KIF27: variants seen among roughly 807,000 people sequenced by gnomAD.
The protein encoded by KIF27 is kinesin-like protein KIF27.
In KIF27, 84 loss-of-function variants were observed where a neutral mutation model predicts 141.8. That is an observed-to-expected ratio of 0.59 (90% CI 0.50 to 0.71). KIF27 has a LOEUF of 0.71. Ranked by LOEUF, KIF27 falls within the 30% of genes least tolerant of loss-of-function variation. The pLI, the probability that KIF27 is intolerant of heterozygous loss-of-function variation, is 0.00. For synonymous variants in KIF27, 471 were observed against 569.5 expected (o/e 0.83, Z 2.46); for missense variants, 1,306 against 1,628.4 (o/e 0.80, Z 3.41).
intron 13 of KIF27, among the ~76,000 whole-genome samples, chr9:83,861,792 C>T (rs1949943769): frequency 1.3e-5 from 2 of 151,380 alleles, no homozygotes; most frequent in African/African-American, 4.9e-5. Context: ...TACAGTCCCA[C>T]CAACAGTGTA....
chr9:83,917,369 ATAT>A (rs2132846861), intron 1 of KIF27, among the ~76,000 whole-genome samples: 1 of 152,366 alleles, frequency 6.6e-6, no homozygotes, highest in South Asian at 2.1e-4. Flanking sequence ...ATTGAAAGAT[ATAT>A]TAATATGTCA....
chr9:83,907,072 C>T (rs1485793997), intron 3 of KIF27, among the ~76,000 whole-genome samples: 3 of 151,696 alleles, frequency 2.0e-5, no homozygotes, highest in Non-Finnish European at 4.4e-5. Context: ...GGGAGGATCA[C>T]GAGGTCAGGA....
intron 5 of KIF27, among the ~76,000 whole-genome samples, chr9:83,897,411 T>C (rs921361165): frequency 1.3e-5 from 2 of 152,174 alleles, no homozygotes; most frequent in Non-Finnish European, 2.9e-5. Context: ...TGAATATCTA[T>C]ATGTTTAAAA....
intron 2 of KIF27, among the ~76,000 whole-genome samples, 175 bp downstream of exon 2, chr9:83,915,119 A>C (rs962301495): frequency 6.6e-6 from 1 of 152,226 alleles, no homozygotes; most frequent in African/African-American, 2.4e-5. Flanking sequence ...ATGAAACTTC[A>C]ATATTTAAAA....
intron 6 of KIF27, among the ~76,000 whole-genome samples, chr9:83,890,795 C>A (rs1013391942): frequency 2.6e-5 from 4 of 152,164 alleles, no homozygotes; most frequent in African/African-American, 9.7e-5. Context: ...AATAGAGATT[C>A]TTTGATAATT....
At chr9:83,871,437 A>G (rs1950784678) in intron 11 of KIF27, among the ~76,000 whole-genome samples, 1 of 152,204 alleles carries the variant, frequency 6.6e-6, no homozygotes, top group Admixed American at 6.5e-5. Flanking sequence ...ACATTAGTGT[A>G]ACAAGGATAA....
chr9:83,911,207 C>G (rs1172943859), intron 2 of KIF27, among the ~76,000 whole-genome samples: 1 of 152,282 alleles, frequency 6.6e-6, no homozygotes, highest in Admixed American at 6.5e-5. Flanking sequence ...GCTGGGACTA[C>G]AGGCATGTGC....
intron 13 of KIF27, among the ~76,000 whole-genome samples, chr9:83,863,018 C>T (rs1005478978): frequency 6.8e-4 from 104 of 152,196 alleles, no homozygotes; most frequent in East Asian, 5.4e-3. Flanking sequence ...TTTTTGCACA[C>T]TGATTTTGTA....
rs1175533471 is a variant in KIF27, at chr9:83,869,854, C to A, written c.2757+665G>T. ...CTACCAAAATAAGAATATATTGATTCTGCTGAGAGCAAGAAAAAACAAAAA... is the reference window on the plus strand; with the variant it reads ...CTACCAAAATAAGAATATATTGATTATGCTGAGAGCAAGAAAAAACAAAAA... On this transcript the variant is annotated intron_variant, in intron 12 of 17. Coordinates refer to ENST00000297814, the MANE Select transcript of KIF27 (RefSeq NM_017576.4). Among the ~76,000 whole-genome samples, 3 of 152,234 alleles carry A rather than the reference C, an allele frequency of 2.0e-5. No individual in the cohort carries two copies. The East Asian group carries it at 5.8e-4, about 29-fold the overall frequency.
chr9:83,837,142 A>G lies in KIF27; in HGVS notation c.4065T>C (p.Pro1355=). 6.2e-7 allele frequency: 1 copy of G among 1,614,074 alleles called. No individual in the cohort carries two copies. Among genetic ancestry groups the G allele is most frequent in the South Asian group, 1.1e-5 (1 of 91,056 alleles). The change falls in exon 18 of 18, where the codon CCT becomes CCC. Residue 1355 remains proline (P), a synonymous_variant. Coordinates refer to ENST00000297814, the MANE Select transcript of KIF27 (RefSeq NM_017576.4). ...GTAATTCTTTTCGACACAGTTTTAC[A>G]GGTGTGACACCATGAAGTCGTCCCA... ...GNVGRLHGVT[P]VKLCRKELRQ... is the part of the protein sequence containing the mutation.
intron 11 of KIF27, among the ~76,000 whole-genome samples, chr9:83,879,517 G>C (rs1055599186): frequency 2.6e-5 from 4 of 151,556 alleles, no homozygotes; most frequent in Admixed American, 2.6e-4. Context: ...AAATATCTAG[G>C]AAATCTCCAA....
At chr9:83,850,785 A>G (rs898429328) in intron 15 of KIF27, among the ~76,000 whole-genome samples, 3 of 151,114 alleles carry the variant, frequency 2.0e-5, no homozygotes, top group African/African-American at 7.3e-5. Context: ...CTCTGTCTCA[A>G]AAAAAAAGAA....
chr9:83,860,274 A>G (rs1348054208), intron 13 of KIF27, among the ~76,000 whole-genome samples: 1 of 152,138 alleles, frequency 6.6e-6, no homozygotes, highest in East Asian at 1.9e-4. Flanking sequence ...CCCTCCCCCA[A>G]GCTTTTAATT....
chr9:83,873,418 G>C (rs1391485218), intron 11 of KIF27, among the ~76,000 whole-genome samples: 1 of 152,212 alleles, frequency 6.6e-6, no homozygotes, highest in Non-Finnish European at 1.5e-5. Flanking sequence ...TTTAAAGGAA[G>C]TGTTTAGATT....
chr9:83,846,127 G>A (rs1452158461), intron 16 of KIF27, among the ~76,000 whole-genome samples: 1 of 151,992 alleles, frequency 6.6e-6, no homozygotes, highest in Non-Finnish European at 1.5e-5. Flanking sequence ...TGCCCAGTTT[G>A]CCAGCAGCAG....
intron 14 of KIF27, among the ~76,000 whole-genome samples, chr9:83,855,814 G>C (rs989723076): frequency 8.0e-4 from 122 of 152,314 alleles, no homozygotes; most frequent in African/African-American, 2.7e-3. Context: ...AAAAACAAAT[G>C]TGAAGAGTTT....
chr9:83,908,349 A>G, intron 3 of KIF27, 103 bp downstream of exon 3: 1 of 583,180 alleles, frequency 1.7e-6, no homozygotes. Context: ...TTGCTTCTGC[A>G]TCTGTTTTTA....
intron 13 of KIF27, among the ~76,000 whole-genome samples, chr9:83,864,647 T>A (rs1456707906): frequency 6.6e-6 from 1 of 152,236 alleles, no homozygotes; most frequent in Non-Finnish European, 1.5e-5. Flanking sequence ...GAATGTATAT[T>A]GTGTTGATTT....
intron 1 of KIF27, among the ~76,000 whole-genome samples, chr9:83,916,892 T>C (rs1955748327): frequency 6.6e-6 from 1 of 152,058 alleles, no homozygotes; most frequent in Non-Finnish European, 1.5e-5. Flanking sequence ...CTCGATCTCC[T>C]GACCTCGTGA....
Sources: gnomAD v4.1 joint callset for allele counts (sites outside exome capture counted in the v4.1 genomes callset) on GRCh38, gnomAD v4.1.1 for gene constraint, MANE v1.5 for transcripts, NCBI Gene and HGNC (gene_info 2026-07-23, HGNC 2026-07-21) for gene names.